Variants in PDE11A observed in about 807,000 individuals in gnomAD.
PDE11A encodes the protein dual 3',5'-cyclic-AMP and -GMP phosphodiesterase 11A.
PDE11A carries 100 observed loss-of-function variants against 100.5 expected under a neutral mutation model. That is an observed-to-expected ratio of 1.00 (90% CI 0.85 to 1.18). The LOEUF is 1.18. PDE11A is among the 50% of genes most tolerant of loss of function. The probability of loss-of-function intolerance (pLI) is 0.00; values close to 1 mark genes in which losing one functional copy is unlikely to be tolerated. For synonymous variants in PDE11A, 381 were observed against 420.8 expected (o/e 0.91, Z 1.16); for missense variants, 1,141 against 1,152.6 (o/e 0.99, Z 0.15).
chr2:177,910,423 TC>T (rs1246486654), intron 2 of PDE11A, among the ~76,000 whole-genome samples: 2 of 85,850 alleles, frequency 2.3e-5, no homozygotes, highest in African/African-American at 1.4e-4. Flanking sequence ...TCTCTCTCTC[TC>T]TCTCTATATA....
At position 177,769,339 on chromosome 2, in the gene PDE11A, T is replaced by G. The variant is rs1558929335; in HGVS notation, c.1772A>C (p.Glu591Ala). Reference protein sequence around the residue: ...LSYHATCSKAEVDKFKAANIP... With the variant: ...LSYHATCSKAAVDKFKAANIP... ...CTTCCTTACCTTAAACTTGTCAACT[T>G]CAGCTTTTGAACATGTTGCATGGTA... is the stretch of plus-strand genomic sequence containing the variant. The change falls in exon 10 of 20, where the codon GAA becomes GCA. Residue 591 changes from glutamate to alanine, a missense_variant. By Grantham distance (107) the Glu-to-Ala change is moderately radical (BLOSUM62 -1). Coordinates refer to ENST00000286063, the MANE Select transcript of PDE11A (RefSeq NM_016953.4). 6.2e-7 allele frequency: 1 copy of G among 1,600,192 alleles called. No individual in the cohort carries two copies.
At chr2:177,994,273 C>T (rs1040166974) in intron 2 of PDE11A, among the ~76,000 whole-genome samples, 2 of 152,066 alleles carry the variant, frequency 1.3e-5, no homozygotes, top group Non-Finnish European at 2.9e-5. Flanking sequence ...TTGATGTTTC[C>T]ACCAGCTTCT....
chr2:177,682,367 T>C (rs1427812881), intron 15 of PDE11A, among the ~76,000 whole-genome samples: 1 of 152,242 alleles, frequency 6.6e-6, no homozygotes, highest in African/African-American at 2.4e-5. Flanking sequence ...GCCTATGTTC[T>C]CAGGACTTGC....
intron 9 of PDE11A, among the ~76,000 whole-genome samples, chr2:177,795,913 T>C (rs1177667836): frequency 3.6e-5 from 5 of 137,284 alleles, no homozygotes; most frequent in South Asian, 2.4e-4. Flanking sequence ...TGTAGATAAT[T>C]ATTACTATTA....
At chr2:177,744,138 T>G (rs1018083527) in intron 10 of PDE11A, among the ~76,000 whole-genome samples, 1 of 152,106 alleles carries the variant, frequency 6.6e-6, no homozygotes, top group African/African-American at 2.4e-5. Flanking sequence ...GGAGAAAACC[T>G]TGAAGCTATA....
At chr2:177,675,932 T>C (rs1157288424) in intron 16 of PDE11A, 3 of 325,722 alleles carry the variant, frequency 9.2e-6, no homozygotes, top group Non-Finnish European at 1.8e-5. Context: ...TTATCATTGA[T>C]TGATGGGAAC....
chr2:177,840,822 T>C (rs1286451529), intron 5 of PDE11A, among the ~76,000 whole-genome samples: 1 of 152,214 alleles, frequency 6.6e-6, no homozygotes. Flanking sequence ...TTTAAAAAAT[T>C]ACAAATGCAG....
chr2:178,088,352 T>C (rs1022238218), intron 2 of PDE11A, among the ~76,000 whole-genome samples: 1 of 152,230 alleles, frequency 6.6e-6, no homozygotes, highest in African/African-American at 2.4e-5. Context: ...CACAACATAT[T>C]GTAGGACACA....
At chr2:177,726,896 A>G (rs939841810) in intron 12 of PDE11A, among the ~76,000 whole-genome samples, 10 of 152,096 alleles carry the variant, frequency 6.6e-5, no homozygotes, top group Non-Finnish European at 1.3e-4. Flanking sequence ...TATAACTATG[A>G]AGCCAAAGAA....
intron 2 of PDE11A, among the ~76,000 whole-genome samples, chr2:178,083,478 AT>A (rs1364624659): frequency 6.6e-6 from 1 of 152,176 alleles, no homozygotes; most frequent in Non-Finnish European, 1.5e-5. Flanking sequence ...AAAAACAAAA[AT>A]TTTTTTAAAG....
rs576470241 is a variant in PDE11A, at chr2:178,072,206, G to T, written c.232C>A (p.Pro78Thr). 1.9e-6 allele frequency: 3 copies of T among 1,613,826 alleles called. No individual in the cohort carries two copies. The highest frequency in any genetic ancestry group is 1.7e-6 in the Non-Finnish European group (2 of 1,179,858). Residue 78 changes from proline to threonine, a missense_variant, in exon 1 of 20, where the codon CCA becomes ACA. Physicochemically the swap from Pro to Thr is conservative, Grantham distance 38. Transcript: ENST00000286063. The stretch of plus-strand genomic sequence containing the variant: ...GGCTGGCTGTGGGCAGAGCCATTTG[G>T]TCCAGTGCCACCACCAACGCTGCTG... ...GGSSVGGGTG[P>T]NGSAHSQPLP...
intron 2 of PDE11A, among the ~76,000 whole-genome samples, chr2:177,940,118 G>C (rs796556486): frequency 8.5e-5 from 13 of 152,252 alleles, no homozygotes; most frequent in African/African-American, 3.1e-4. Context: ...GGTAGGAGTG[G>C]AGATGAAATA....
intron 5 of PDE11A, among the ~76,000 whole-genome samples, chr2:177,843,229 C>G (rs919745979): frequency 6.6e-6 from 1 of 152,164 alleles, no homozygotes; most frequent in Non-Finnish European, 1.5e-5. Context: ...TGCTCAATAA[C>G]TTTCCCAAGT....
intron 4 of PDE11A, among the ~76,000 whole-genome samples, chr2:177,877,469 G>T (rs1377521342): frequency 6.6e-6 from 1 of 152,124 alleles, no homozygotes; most frequent in Non-Finnish European, 1.5e-5. Flanking sequence ...CTGGCCAAAG[G>T]TTATCTTATT....
At chr2:177,804,587 G>T (rs1408264095) in intron 9 of PDE11A, among the ~76,000 whole-genome samples, 2 of 151,554 alleles carry the variant, frequency 1.3e-5, no homozygotes, top group Non-Finnish European at 3.0e-5. Context: ...TCCCCAAAAA[G>T]AAATAAATCA....
At chr2:177,746,240 A>G (rs1220619143) in intron 10 of PDE11A, among the ~76,000 whole-genome samples, 2 of 152,230 alleles carry the variant, frequency 1.3e-5, no homozygotes, top group Admixed American at 1.3e-4. Flanking sequence ...GTTCTTGTTG[A>G]GATCTGAAGT....
At chr2:177,818,294 A>AATAT (rs1194822156) in intron 7 of PDE11A, among the ~76,000 whole-genome samples, 34 of 116,236 alleles carry the variant, frequency 2.9e-4, no homozygotes, top group Non-Finnish European at 4.3e-4. Flanking sequence ...TTCAACTGAA[A>AATAT]ATATATATAT....
chr2:177,764,194 TTA>T (rs2082209300), intron 10 of PDE11A, among the ~76,000 whole-genome samples: 1 of 152,160 alleles, frequency 6.6e-6, no homozygotes, highest in Non-Finnish European at 1.5e-5. Context: ...TCTTGGTACT[TTA>T]TTTTATTTTA....
At chr2:177,831,701 T>C (rs2083310955) in intron 6 of PDE11A, among the ~76,000 whole-genome samples, 1 of 152,188 alleles carries the variant, frequency 6.6e-6, no homozygotes, top group East Asian at 1.9e-4. Flanking sequence ...ATTCACATAA[T>C]AGGGAACACC....
Sources: allele counts gnomAD v4.1 joint callset (sites outside exome capture counted in the v4.1 genomes callset), GRCh38; gene constraint gnomAD v4.1.1; transcripts MANE v1.5; gene names NCBI Gene and HGNC (gene_info 2026-07-23, HGNC 2026-07-21).